The following GLRA3 variants were observed in gnomAD, a reference collection of about 807,000 sequenced individuals.
GLRA3 encodes glycine receptor alpha 3.
GLRA3 carries 44 observed loss-of-function variants against 60.4 expected under a neutral mutation model. The observed-to-expected ratio is 0.73, with a 90% confidence interval of 0.57 to 0.94. The LOEUF is 0.94. GLRA3 is among the 40% of genes least tolerant of loss of function. The probability of loss-of-function intolerance (pLI) is 0.00; values close to 1 mark genes in which losing one functional copy is unlikely to be tolerated. For missense variants in GLRA3, 508 were observed against 564.6 expected (o/e 0.90, Z 1.02); for synonymous variants, 223 against 192.9 (o/e 1.16, Z -1.29).
intron 9 of GLRA3, among the ~76,000 whole-genome samples, chr4:174,655,441 T>C (rs1051338936): frequency 1.3e-5 from 2 of 152,148 alleles, no homozygotes; most frequent in Non-Finnish European, 2.9e-5. Context: ...TAAGAATGTA[T>C]TGACTTCCCA....
Position 174,643,217 on chromosome 4 carries a change from T to A in GLRA3, c.*569A>T. On this transcript the variant is annotated 3_prime_UTR_variant, in exon 10 of 10. Coordinates refer to ENST00000274093, the MANE Select transcript of GLRA3 (RefSeq NM_006529.4). Reference sequence around the variant, plus strand: ...AAACAATTAAATTTAGTATTCCAAATCATTAAAGTCTTTTAATGCTCTTAT... The same window carrying A: ...AAACAATTAAATTTAGTATTCCAAAACATTAAAGTCTTTTAATGCTCTTAT... 2.7e-6 allele frequency: 2 copies of A among 737,342 alleles called. No homozygotes were observed. The highest frequency in any genetic ancestry group is 3.3e-6 in the Non-Finnish European group (2 of 604,556). 45.7% of individuals were successfully genotyped at this position (737,342 alleles called of 1,614,324 possible).
At chr4:174,775,597 G>T (rs994874806) in intron 2 of GLRA3, among the ~76,000 whole-genome samples, 4 of 152,188 alleles carry the variant, frequency 2.6e-5, no homozygotes, top group African/African-American at 9.7e-5. Context: ...TTCTGAAGTT[G>T]CACTTATGAG....
rs73000675 is a variant in GLRA3 at position 174,675,779 on chromosome 4, A to G, written c.927+1299T>C. 5.4e-3 allele frequency among the ~76,000 whole-genome samples: 815 copies of G among 152,292 alleles called. 7 individuals are homozygous for G. The highest frequency in any genetic ancestry group is 0.018 in the African/African-American group (754 of 41,568). On this transcript the variant is annotated intron_variant, in intron 7 of 9. Coordinates refer to ENST00000274093, the MANE Select transcript of GLRA3 (RefSeq NM_006529.4). Reference sequence around the variant, plus strand: ...AAAGTAGACATTATTAGGAAAGACAACCATTAACTTTTAGTGAGGCAGAGC... The same window carrying G: ...AAAGTAGACATTATTAGGAAAGACAGCCATTAACTTTTAGTGAGGCAGAGC...
In GLRA3 at chr4:174,774,138, TA is replaced by T. The variant is rs1738499599; in HGVS notation, c.200-7109del. Among the ~76,000 whole-genome samples, 39 of 68,478 alleles carry T rather than the reference TA, an allele frequency of 5.7e-4. 1 individual carries two copies. Among genetic ancestry groups the T allele is most frequent in the Admixed American group, 5.3e-3 (39 of 7,320 alleles). 44.9% of individuals were successfully genotyped at this position (68,478 alleles called of 152,430 possible). A position where few individuals can be genotyped will look rare whatever the true frequency, so the allele number is the denominator to read the frequency against. On this transcript the variant is annotated intron_variant, in intron 2 of 9. Coordinates refer to ENST00000274093, the MANE Select transcript of GLRA3 (RefSeq NM_006529.4). ...CACCAGGCCAAGGAAGGTACTTGTG[TA>T]AAAGAAGAAGTAGCAGCAAACAAGG...
At chr4:174,698,492 T>C (rs1579465231) in intron 5 of GLRA3, among the ~76,000 whole-genome samples, 1 of 152,214 alleles carries the variant, frequency 6.6e-6, no homozygotes, top group East Asian at 1.9e-4. Context: ...CTGTGCCTGA[T>C]CTTGGGATTT....
intron 3 of GLRA3, among the ~76,000 whole-genome samples, chr4:174,731,136 T>C (rs534099819): frequency 6.6e-6 from 1 of 152,272 alleles, no homozygotes; most frequent in South Asian, 2.1e-4. Context: ...AAACTAAGAT[T>C]TTACTGCTCC....
Position 174,751,057 on chromosome 4 carries a change from G to GTCTA in GLRA3, c.267+15905_267+15906insTAGA, listed in dbSNP as rs781291544. Among the ~76,000 whole-genome samples, 575 of 142,382 alleles carry GTCTA rather than the reference G, an allele frequency of 4.0e-3. 3 individuals are homozygous for GTCTA. The highest frequency in any genetic ancestry group is 0.012 in the African/African-American group (466 of 38,860). 93.4% of individuals were successfully genotyped at this position (142,382 alleles called of 152,430 possible). A position where few individuals can be genotyped will look rare whatever the true frequency, so the allele number is the denominator to read the frequency against. On this transcript the variant is annotated intron_variant, in intron 3 of 9. Transcript: ENST00000274093. ...ACCCAGAAAAAAGAGAAGCCTGTCT[G>GTCTA]TCTGTCTATCTATCTATCTATCTAT...
chr4:174,783,485 A>C (rs1406950380), intron 2 of GLRA3, among the ~76,000 whole-genome samples: 4 of 137,958 alleles, frequency 2.9e-5, no homozygotes, highest in South Asian at 2.3e-4. Context: ...TAATTAAACT[A>C]AAGAGCTTCT....
At chr4:174,738,501 C>T (rs1736887029) in intron 3 of GLRA3, among the ~76,000 whole-genome samples, 1 of 152,030 alleles carries the variant, frequency 6.6e-6, no homozygotes. Flanking sequence ...TATTTGGCAA[C>T]CTGTGAGTAT....
chr4:174,816,936 G>C (rs1740526570), intron 1 of GLRA3, among the ~76,000 whole-genome samples: 1 of 151,918 alleles, frequency 6.6e-6, no homozygotes, highest in African/African-American at 2.4e-5. Flanking sequence ...ATGTAAAATG[G>C]GGTATCCACC....
At chr4:174,778,288 G>T (rs1738688793) in intron 2 of GLRA3, among the ~76,000 whole-genome samples, 1 of 151,892 alleles carries the variant, frequency 6.6e-6, no homozygotes, top group South Asian at 2.1e-4. Context: ...AGAAATGGTG[G>T]AATCTACCTA....
At chr4:174,667,644 C>T (rs997053140) in intron 7 of GLRA3, among the ~76,000 whole-genome samples, 4 of 152,068 alleles carry the variant, frequency 2.6e-5, no homozygotes, top group Admixed American at 6.6e-5. Flanking sequence ...AATCAATTCT[C>T]TAGTTGCAGA....
chr4:174,775,232 G>C (rs1418463602), intron 2 of GLRA3, among the ~76,000 whole-genome samples: 1 of 151,970 alleles, frequency 6.6e-6, no homozygotes, highest in Admixed American at 6.6e-5. Context: ...TGTTATTCAA[G>C]AACAATAGTG....
At chr4:174,762,097 C>T (rs962749209) in intron 3 of GLRA3, among the ~76,000 whole-genome samples, 1 of 152,080 alleles carries the variant, frequency 6.6e-6, no homozygotes, top group Non-Finnish European at 1.5e-5. Context: ...GCAGTCAAAA[C>T]ATTTAGAAGT....
rs548476104 is a variant in GLRA3, at chr4:174,643,935, C to T, written c.1246G>A (p.Glu416Lys). The part of the protein sequence containing the change: ...PVQVMPKSPD[E>K]MRKVFIDRAK... The stretch of plus-strand genomic sequence containing the variant: ...CGGTCGATAAAGACCTTCCTCATTT[C>T]ATCAGGACTTTTTGGCATTACCTGG... The change falls in exon 10 of 10, where the codon GAA (glutamate) becomes AAA (lysine). Residue 416 changes from glutamate to lysine, a missense_variant. Glu to Lys is a moderately conservative substitution (Grantham distance 56, BLOSUM62 1). Around this residue, in one of 3 missense-constraint regions of GLRA3, gnomAD observed 176 missense variants for 197.9 expected, o/e 0.89. Transcript: ENST00000274093. 6.2e-7 allele frequency: 1 copy of T among 1,613,952 alleles called. No homozygotes were observed. The highest frequency in any genetic ancestry group is 1.1e-5 in the South Asian group (1 of 91,068).
chr4:174,707,414 G>A (rs1270030963), intron 5 of GLRA3, among the ~76,000 whole-genome samples: 1 of 152,148 alleles, frequency 6.6e-6, no homozygotes, highest in Non-Finnish European at 1.5e-5. Flanking sequence ...CTTAGTTGTA[G>A]TACTCAGATG....
At chr4:174,789,562 C>T (rs1739245549) in intron 1 of GLRA3, among the ~76,000 whole-genome samples, 1 of 152,108 alleles carries the variant, frequency 6.6e-6, no homozygotes, top group African/African-American at 2.4e-5. Context: ...CATAAATGTA[C>T]CATGTGCACC....
chr4:174,826,060 C>A (rs143393301), intron 1 of GLRA3, among the ~76,000 whole-genome samples: 212 of 152,146 alleles, frequency 1.4e-3, no homozygotes, highest in Middle Eastern at 6.8e-3. Flanking sequence ...CTTAGCAATT[C>A]CCCTTCTAGA....
At chr4:174,662,218 G>A (rs932887170) in intron 7 of GLRA3, among the ~76,000 whole-genome samples, 3 of 152,094 alleles carry the variant, frequency 2.0e-5, no homozygotes, top group African/African-American at 4.8e-5. Flanking sequence ...ACTTTATATA[G>A]CCAATTAGAT....
Sources: allele counts gnomAD v4.1 joint callset (sites outside exome capture counted in the v4.1 genomes callset), GRCh38; gene constraint gnomAD v4.1.1; regional missense constraint gnomAD v4.1.1; transcripts MANE v1.5; gene names NCBI Gene and HGNC (gene_info 2026-07-23, HGNC 2026-07-21).